NBPF8: variants seen among roughly 807,000 people sequenced by gnomAD.
NBPF8 encodes NBPF member 8.
rs1293600968 is a variant in NBPF8, at chr1:120,424,393, G to A, written n.270-1354G>A. Reference sequence around the variant, plus strand: ...TTTTTTAAAATCTGCTATTAAAATTGAGATGATACATTTTCACATAATAAT... The same window carrying A: ...TTTTTTAAAATCTGCTATTAAAATTAAGATGATACATTTTCACATAATAAT... On this transcript the variant is annotated intron_variant and non_coding_transcript_variant, in intron 1 of 28. Transcript: ENST00000652355. 3.0e-3 allele frequency among the ~76,000 whole-genome samples: 461 copies of A among 151,996 alleles called. 6 individuals are homozygous for A. The highest frequency in any genetic ancestry group is 0.011 in the African/African-American group (446 of 41,440).
At chr1:120,428,025 T>C (rs1330231420) in intron 3 of NBPF8, among the ~76,000 whole-genome samples, 178 bp downstream of exon 3, 1 of 152,258 alleles carries the variant, frequency 6.6e-6, no homozygotes, top group African/African-American at 2.4e-5. Flanking sequence ...CTTTAGATAA[T>C]AATTTTATGG....
At chr1:120,421,251 T>TATA (rs1660566548) in intron 1 of NBPF8, among the ~76,000 whole-genome samples, 1 of 152,202 alleles carries the variant, frequency 6.6e-6, no homozygotes, top group African/African-American at 2.4e-5. Context: ...CAGTAGTGCG[T>TATA]CTGTCTCCAA....
chr1:120,415,609 C>T (rs1418855773), upstream of NBPF8, among the ~76,000 whole-genome samples: 2 of 152,214 alleles, frequency 1.3e-5, no homozygotes, highest in Non-Finnish European at 2.9e-5. Context: ...GCACCCCACC[C>T]TCGAGGCCAG....
chr1:120,436,686 A>G (rs1661093405), exon 1 of NBPF8: 6 of 1,403,788 alleles, frequency 4.3e-6, no homozygotes, highest in Non-Finnish European at 6.0e-6. Context: ...GCCAACCGAC[A>G]GAAGAAATAC....
intron 15 of NBPF8, among the ~76,000 whole-genome samples, chr1:120,454,978 TCA>T (rs1297359205): frequency 6.8e-6 from 1 of 147,922 alleles, no homozygotes; most frequent in Non-Finnish European, 1.5e-5. Context: ...GCCTCCCAAA[TCA>T]CAGATTCTTT....
chr1:120,421,732 TC>T (rs1247933805), intron 1 of NBPF8, among the ~76,000 whole-genome samples: 1 of 147,984 alleles, frequency 6.8e-6, no homozygotes, highest in African/African-American at 2.5e-5. Flanking sequence ...AGCCCTTAGG[TC>T]CTCCCAGCCT....
chr1:120,468,798 C>A (rs1270826307), downstream of NBPF8, among the ~76,000 whole-genome samples: 1 of 151,416 alleles, frequency 6.6e-6, no homozygotes, highest in Non-Finnish European at 1.5e-5. Flanking sequence ...ATAGTTTTGC[C>A]TGGGTTCTAT....
chr1:120,462,098 G>A, intron 19 of NBPF8, 48 bp from the exon 18 acceptor site: 1 of 304,464 alleles, frequency 3.3e-6, no homozygotes, highest in Non-Finnish European at 5.8e-6. Context: ...TGTTATGTGT[G>A]TAGGAGAACC....
chr1:120,436,429 A>G (rs1661080496), exon 1 of NBPF8: 2 of 1,205,812 alleles, frequency 1.7e-6, no homozygotes, highest in African/African-American at 1.5e-5. Flanking sequence ...AGTCCTGATT[A>G]AACCTATTTG....
intron 13 of NBPF8, among the ~76,000 whole-genome samples, chr1:120,452,678 G>A (rs1355538910): frequency 2.6e-4 from 39 of 152,394 alleles, no homozygotes; most frequent in African/African-American, 7.0e-4. Flanking sequence ...TGTCTTTTCG[G>A]CAATGTTCTT....
chr1:120,415,085 T>C (rs2101342100), upstream of NBPF8, among the ~76,000 whole-genome samples: 1 of 151,858 alleles, frequency 6.6e-6, no homozygotes, highest in East Asian at 1.9e-4. Flanking sequence ...TGGGCGGCGG[T>C]TGAGACAGCG....
At chr1:120,436,529 G>A (rs1553247775) in exon 1 of NBPF8, 104 of 1,528,230 alleles carry the variant, frequency 6.8e-5, no homozygotes, top group Non-Finnish European at 9.0e-5. Context: ...CAGCATGGTG[G>A]TATCAGCCGG....
intron 15 of NBPF8, 104 bp downstream of exon 13, chr1:120,454,218 G>A (rs1464535557): frequency 6.7e-7 from 1 of 1,500,974 alleles, no homozygotes; most frequent in African/African-American, 1.4e-5. Flanking sequence ...AAAAAACTGT[G>A]ATGGGTTTCT....
intron 22 of NBPF8, 108 bp from the exon 21 acceptor site, chr1:120,464,268 T>C: frequency 1.5e-6 from 1 of 675,006 alleles, no homozygotes; most frequent in Non-Finnish European, 2.7e-6. Context: ...AATGGATCTA[T>C]CCTTTTACTT....
intron 13 of NBPF8, among the ~76,000 whole-genome samples, chr1:120,452,754 G>T (rs1553249112): frequency 2.0e-5 from 3 of 152,306 alleles, no homozygotes; most frequent in Non-Finnish European, 2.9e-5. Flanking sequence ...CAGACAAATT[G>T]TCTCTTGCAA....
intron 16 of NBPF8, among the ~76,000 whole-genome samples, chr1:120,457,767 A>T (rs1215345118): frequency 4.6e-5 from 3 of 65,454 alleles, no homozygotes; most frequent in Non-Finnish European, 8.1e-5. Context: ...ACACACAAAA[A>T]ATAATAAAGG....
chr1:120,469,488 GACAAGT>G (rs1661854438), downstream of NBPF8, among the ~76,000 whole-genome samples: 2 of 145,288 alleles, frequency 1.4e-5, no homozygotes, highest in African/African-American at 5.1e-5. Context: ...CGGTCACAGT[GACAAGT>G]ACAAGTAACT....
intron 1 of NBPF8, among the ~76,000 whole-genome samples, chr1:120,425,643 C>T (rs1227850027): frequency 2.0e-5 from 3 of 152,080 alleles, no homozygotes; most frequent in Non-Finnish European, 4.4e-5. Flanking sequence ...TACTTTGTCT[C>T]TGTGTCTCTT....
Position 120,464,131 on chromosome 1 carries a change from CTCTG to C in NBPF8, n.3287-243_3287-240del, listed in dbSNP as rs1212572843. ...CTGAGCTCGTTCTCTCTCTCTCTCT[CTCTG>C]TGTGTGTGTGTGTGTGTGTGTGTGT... On this transcript the variant is annotated intron_variant and non_coding_transcript_variant, in intron 22 of 24. Transcript: ENST00000583271. Among the ~76,000 whole-genome samples the C allele has an allele frequency of 6.0e-3, 286 of 48,030 alleles. 1 individual carries two copies. The highest frequency in any genetic ancestry group is 8.6e-3 in the Middle Eastern group (1 of 116). 31.5% of individuals were successfully genotyped at this position (48,030 alleles called of 152,430 possible). A position where few individuals can be genotyped will look rare whatever the true frequency, so the allele number is the denominator to read the frequency against.
Sources: allele counts gnomAD v4.1 joint callset (sites outside exome capture counted in the v4.1 genomes callset), GRCh38; gene constraint gnomAD v4.1.1; transcripts MANE v1.5; gene names NCBI Gene and HGNC (gene_info 2026-07-23, HGNC 2026-07-21).